The following SCNN1D variants were observed in gnomAD, a reference collection of about 807,000 sequenced individuals.
The protein encoded by SCNN1D is epithelial sodium channel subunit delta.
Under a neutral mutation model 87.8 loss-of-function variants are expected in SCNN1D, and 104 were observed. That is an observed-to-expected ratio of 1.18 (90% CI 1.01 to 1.39). SCNN1D has a LOEUF of 1.39. Among genes scored for constraint, SCNN1D ranks in the 40% most tolerant of loss-of-function variants. SCNN1D has a pLI of 0.00. For synonymous variants in SCNN1D, 628 were observed against 481.2 expected, an observed-to-expected ratio of 1.31 and a Z score of -3.99; for missense variants, 1,324 against 1,093.9, an observed-to-expected ratio of 1.21 and a Z score of -2.97.
chr1:1,281,725 G>A (rs1199231728), intron 3 of SCNN1D, 115 bp downstream of exon 3: 8 of 949,604 alleles, frequency 8.4e-6, no homozygotes, highest in African/African-American at 1.7e-5. Flanking sequence ...AGGGCATACG[G>A]GTCATGGAAG....
chr1:1,281,758 G>T, intron 3 of SCNN1D, 148 bp downstream of exon 3: 1 of 750,154 alleles, frequency 1.3e-6, no homozygotes, highest in South Asian at 1.9e-5. Flanking sequence ...CCCGGCCAGG[G>T]CTCCCCCTCC....
rs773804415 is a variant in SCNN1D at position 1,287,168 on chromosome 1, C to T, written c.1179C>T (p.Val393=). The T allele has an allele frequency of 3.7e-6, 6 of 1,611,862 alleles. No homozygotes were observed. Among genetic ancestry groups the T allele is most frequent in the Non-Finnish European group, 5.1e-6 (6 of 1,179,310 alleles). Residue 393 remains valine, a synonymous_variant, in exon 9 of 18, where the codon GTC becomes GTT. Coordinates refer to ENST00000379116, the MANE Select transcript of SCNN1D (RefSeq NM_001130413.4). ...YRGYTSGVAA[V]QDWYHFHYVD... The stretch of plus-strand genomic sequence containing the variant: ...GCTACACGTCAGGCGTGGCGGCTGT[C>T]CAGGACTGGTACCACTTCCACTATG...
At chr1:1,282,349 C>T (rs1313533192) in intron 4 of SCNN1D, 34 bp downstream of exon 4, 2 of 1,548,898 alleles carry the variant, frequency 1.3e-6, no homozygotes, top group Non-Finnish European at 1.7e-6. Context: ...AGCCATGGCT[C>T]TGCTGCTGGA....
chr1:1,281,812 TGGACCGGGCCCCACTGGCC>T, intron 3 of SCNN1D: 1 of 605,800 alleles, frequency 1.7e-6, no homozygotes, highest in Non-Finnish European at 2.9e-6. Context: ...GCCCTTTGGC[TGGACCGGGCCCCACTGGCC>T]GGACCTGGGC....
chr1:1,290,433 G>C (rs768851768), intron 13 of SCNN1D, 44 bp from the exon 14 acceptor site: 2 of 1,611,534 alleles, frequency 1.2e-6, no homozygotes, highest in Admixed American at 1.7e-5. Flanking sequence ...CATTAGCCGG[G>C]GGGTCACAGC....
chr1:1,291,959 G>A lies in SCNN1D; in HGVS notation c.*349G>A. ...CAAGCCTAGCCACCTCAGCTGCAGG[G>A]AGGCAGAAGGCAAGGCAGGCCCCAC... On this transcript the variant is annotated 3_prime_UTR_variant, in exon 18 of 18. Coordinates refer to ENST00000379116, the MANE Select transcript of SCNN1D (RefSeq NM_001130413.4). 1 of 206,740 alleles carries A rather than the reference G, an allele frequency of 4.8e-6. No individual in the cohort carries two copies. Among genetic ancestry groups the A allele is most frequent in the Non-Finnish European group, 9.7e-6 (1 of 102,718 alleles). 12.8% of individuals were successfully genotyped at this position (206,740 alleles called of 1,614,324 possible). A position where few individuals can be genotyped will look rare whatever the true frequency, so the allele number is the denominator to read the frequency against.
chr1:1,284,193 AGGGGGTTG>A (rs1640534172), intron 5 of SCNN1D, 103 bp downstream of exon 5: 2 of 7,276 alleles, frequency 2.7e-4, no homozygotes, highest in African/African-American at 1.3e-3. Flanking sequence ...GGGTTGGGTG[AGGGGGTTG>A]GGGGGGTTGG....
Position 1,290,287 on chromosome 1 carries a change from G to A in SCNN1D, c.1679G>A (p.Cys560Tyr). Residue 560 changes from cysteine (C) to tyrosine (Y), a missense_variant, in exon 13 of 18, where the codon TGC becomes TAC. Cys to Tyr is a radical substitution (Grantham distance 194, BLOSUM62 -2). Transcript: ENST00000379116. The part of the protein sequence containing the change: ...SYTRQACLVS[C>Y]FQQLMVETCS... ...TGTCCCCAGGCCTGCCTGGTGTCCT[G>A]CTTCCAGCAGCTGATGGTGGAGACC... The A allele has an allele frequency of 6.4e-7, 1 of 1,571,306 alleles. No homozygotes were observed. Among genetic ancestry groups the A allele is most frequent in the Non-Finnish European group, 8.6e-7 (1 of 1,156,984 alleles).
At chr1:1,282,063 C>T in intron 3 of SCNN1D, 179 bp from the exon 4 acceptor site, 2 of 613,060 alleles carry the variant, frequency 3.3e-6, no homozygotes, top group East Asian at 2.8e-5. Flanking sequence ...AGCCCCAGGC[C>T]TGTGCTGTGT....
In SCNN1D at chr1:1,281,576, C is replaced by T; in HGVS notation, c.243C>T (p.Cys81=). 1 of 1,535,746 alleles carries T rather than the reference C, an allele frequency of 6.5e-7. No individual in the cohort carries two copies. Among genetic ancestry groups the T allele is most frequent in the Non-Finnish European group, 8.7e-7 (1 of 1,146,770 alleles). Residue 81 remains cysteine, a synonymous_variant, in exon 3 of 18, where the codon TGC becomes TGT. Transcript: ENST00000379116. ...ATGTGCTCTGTGGCTACCCCCTCTG[C>T]CTACTCTCTGGCCCGATACAGGGGT... is the stretch of plus-strand genomic sequence containing the variant. ...AGHVLCGYPL[C]LLSGPIQGCG... is the part of the protein sequence containing the mutation.
rs747905771 is a variant in SCNN1D at position 1,287,219 on chromosome 1, G to A, written c.1230G>A (p.Ala410=). 3.7e-5 allele frequency: 59 copies of A among 1,611,730 alleles called. No homozygotes were observed. Among genetic ancestry groups the A allele is most frequent in the South Asian group, 5.5e-5 (5 of 91,022 alleles). ...HYVDILALLP[A]AWEDSHGSQD... is the part of the protein sequence containing the mutation. ...TGGATATCCTGGCCCTGCTGCCCGC[G>A]GCATGGGAGGACAGCCACGGGAGCC... The change falls in exon 9 of 18, where the codon GCG becomes GCA. Residue 410 remains alanine (A), a synonymous_variant. Transcript: ENST00000379116.
chr1:1,290,471 C>T lies in SCNN1D; in HGVS notation c.1781-6C>T. 6.2e-7 allele frequency: 1 copy of T among 1,612,682 alleles called. No individual in the cohort carries two copies. Among genetic ancestry groups the T allele is most frequent in the Non-Finnish European group, 8.5e-7 (1 of 1,179,902 alleles). On this transcript the variant is annotated splice_polypyrimidine_tract_variant and splice_region_variant and intron_variant, in intron 13 of 17. Coordinates refer to ENST00000379116, the MANE Select transcript of SCNN1D (RefSeq NM_001130413.4). Reference sequence around the variant, plus strand: ...GCCTCACACATGCCTCTGACCCCTCCCCAAGGACACTGCTTCTACCGCCTC... The same window carrying T: ...GCCTCACACATGCCTCTGACCCCTCTCCAAGGACACTGCTTCTACCGCCTC...
At position 1,280,678 on chromosome 1, in the gene SCNN1D, TC is replaced by T. The variant is rs1343200423; in HGVS notation, c.5+15del. 2 of 701,622 alleles carry T rather than the reference TC, an allele frequency of 2.9e-6. No homozygotes were observed. Among genetic ancestry groups the T allele is most frequent in the Non-Finnish European group, 5.2e-6 (2 of 384,348 alleles). 43.5% of individuals were successfully genotyped at this position (701,622 alleles called of 1,614,324 possible). On this transcript the variant is annotated intron_variant, in intron 1 of 17. Transcript: ENST00000379116. ...GGAGGAGGCATGAGGTGCGTCCGAC[TC>T]CCTTCCCATCACAGCTGAGCTAGTT...
intron 5 of SCNN1D, among the ~76,000 whole-genome samples, chr1:1,284,346 C>T (rs1299902500): frequency 1.6e-5 from 2 of 122,060 alleles, no homozygotes; most frequent in East Asian, 4.9e-4. Flanking sequence ...GGCGGGGGGG[C>T]TCCCACCTTG....
chr1:1,288,543 T>C (rs867287204), intron 12 of SCNN1D, among the ~76,000 whole-genome samples: 376 of 14,988 alleles, frequency 0.025, 23 homozygotes, highest in South Asian at 0.11. Flanking sequence ...GTGTCTCTGC[T>C]CCGTCCCCCG....
intron 11 of SCNN1D, 28 bp downstream of exon 11, chr1:1,287,864 G>A (rs971186107): frequency 8.6e-6 from 13 of 1,518,104 alleles, no homozygotes; most frequent in African/African-American, 2.8e-5. Flanking sequence ...GCCAACCTCC[G>A]GCCCAGGCCT....
chr1:1,285,888 G>T, intron 6 of SCNN1D, 38 bp from the exon 7 acceptor site: 1 of 1,506,734 alleles, frequency 6.6e-7, no homozygotes. Context: ...GCCTGAGTGG[G>T]TGCAGGCCGG....
intron 3 of SCNN1D, 148 bp downstream of exon 3, chr1:1,281,758 G>C: frequency 1.3e-6 from 1 of 750,154 alleles, no homozygotes; most frequent in Non-Finnish European, 2.1e-6. Context: ...CCCGGCCAGG[G>C]CTCCCCCTCC....
Position 1,287,968 on chromosome 1 carries a change from CG to C in SCNN1D, c.1595del (p.Gly532AlafsTer33), listed in dbSNP as rs1553159941. ...DEVHRLGSPY[G>X]HCTAGGEGVE... ...AGGTGCACCGGCTCGGGAGCCCCTA[CG>C]GCCACTGCACCGCCGGCGGGGAAGG... On this transcript the variant is annotated frameshift_variant, in exon 12 of 18. Transcript: ENST00000379116. LOFTEE classifies it high-confidence loss of function. 5 of 1,546,690 alleles carry C rather than the reference CG, an allele frequency of 3.2e-6. No homozygotes were observed. The highest frequency in any genetic ancestry group is 4.4e-6 in the Non-Finnish European group (5 of 1,145,146).
Sources: allele counts gnomAD v4.1 joint callset (sites outside exome capture counted in the v4.1 genomes callset), GRCh38; gene constraint gnomAD v4.1.1; transcripts MANE v1.5; gene names NCBI Gene and HGNC (gene_info 2026-07-23, HGNC 2026-07-21).